The following RIMS1 variants were observed in gnomAD, a reference collection of about 807,000 sequenced individuals.
RIMS1 encodes regulating synaptic membrane exocytosis 1.
In RIMS1, 83 loss-of-function variants were observed where a neutral mutation model predicts 214.1. The observed-to-expected ratio is 0.39, with a 90% confidence interval of 0.32 to 0.47. RIMS1 has a LOEUF of 0.47. RIMS1 is among the 20% of genes least tolerant of loss of function. The pLI is 0.99. For missense variants in RIMS1, 2,050 were observed against 2,161.8 expected (o/e 0.95, Z 1.03); for synonymous variants, 793 against 786.8 (o/e 1.01, Z -0.13).
intron 28 of RIMS1, among the ~76,000 whole-genome samples, chr6:72,330,054 G>A (rs914819116): frequency 1.3e-5 from 2 of 151,804 alleles, no homozygotes; most frequent in African/African-American, 4.8e-5. Context: ...AGGCCAAAGG[G>A]CTGGGCATTG....
At chr6:72,230,238 A>C (rs968979954) in intron 6 of RIMS1, among the ~76,000 whole-genome samples, 1 of 151,768 alleles carries the variant, frequency 6.6e-6, no homozygotes, top group Non-Finnish European at 1.5e-5. Flanking sequence ...CTGTGAGCCA[A>C]TCTTAGAATT....
At chr6:72,098,038 G>A (rs2032360558) in intron 3 of RIMS1, among the ~76,000 whole-genome samples, 1 of 152,078 alleles carries the variant, frequency 6.6e-6, no homozygotes, top group Non-Finnish European at 1.5e-5. Flanking sequence ...TGTAGCTAAA[G>A]AATTCCCAGT....
chr6:72,391,043 AC>A (rs923048733), intron 30 of RIMS1, among the ~76,000 whole-genome samples: 4 of 152,198 alleles, frequency 2.6e-5, no homozygotes, highest in Admixed American at 1.3e-4. Context: ...CAGGTAATGG[AC>A]TCTTTCATAT....
chr6:72,274,892 CTG>C (rs1019163435), intron 23 of RIMS1, among the ~76,000 whole-genome samples: 34 of 151,700 alleles, frequency 2.2e-4, no homozygotes, highest in African/African-American at 8.2e-4. Flanking sequence ...TAAATAATGT[CTG>C]TCTTATTAAG....
At chr6:72,330,573 T>C (rs1419448472) in intron 28 of RIMS1, among the ~76,000 whole-genome samples, 3 of 151,730 alleles carry the variant, frequency 2.0e-5, no homozygotes, top group Non-Finnish European at 4.4e-5. Flanking sequence ...ATATAACCAG[T>C]ACAAAATGTA....
At chr6:72,333,281 G>GT (rs2096732581) in intron 28 of RIMS1, among the ~76,000 whole-genome samples, 1 of 151,792 alleles carries the variant, frequency 6.6e-6, no homozygotes, top group Non-Finnish European at 1.5e-5. Flanking sequence ...TGGTAACATA[G>GT]TAACTATACT....
chr6:72,041,362 A>G (rs1821386947), intron 2 of RIMS1, among the ~76,000 whole-genome samples: 1 of 151,900 alleles, frequency 6.6e-6, no homozygotes, highest in African/African-American at 2.4e-5. Flanking sequence ...AGGCTTTATA[A>G]GAAAGTTGTA....
chr6:72,351,750 T>C (rs1238806434), intron 29 of RIMS1, among the ~76,000 whole-genome samples: 1 of 152,192 alleles, frequency 6.6e-6, no homozygotes, highest in Non-Finnish European at 1.5e-5. Context: ...TGCCTGTAAA[T>C]ATCCAGAATC....
chr6:71,954,848 A>G (rs1258454285), intron 1 of RIMS1, among the ~76,000 whole-genome samples: 8 of 134,578 alleles, frequency 5.9e-5, no homozygotes, highest in African/African-American at 2.1e-4. Flanking sequence ...ACTCCTCAGC[A>G]CACACACACA....
At chr6:72,332,105 TTTTATAA>T (rs1209888864) in intron 28 of RIMS1, among the ~76,000 whole-genome samples, 1 of 151,842 alleles carries the variant, frequency 6.6e-6, no homozygotes. Context: ...ACACTTTCTG[TTTTATAA>T]TTTATAATCA....
At chr6:72,079,482 G>T (rs1832743596) in intron 2 of RIMS1, among the ~76,000 whole-genome samples, 1 of 152,142 alleles carries the variant, frequency 6.6e-6, no homozygotes, top group African/African-American at 2.4e-5. Context: ...CCAATTATGA[G>T]ACACAGTTTT....
intron 23 of RIMS1, among the ~76,000 whole-genome samples, chr6:72,276,812 C>G (rs1020114696): frequency 3.9e-5 from 6 of 152,164 alleles, no homozygotes; most frequent in Admixed American, 6.5e-5. Flanking sequence ...CTTGGCAAAT[C>G]GTAATGAACG....
Position 72,097,256 on chromosome 6 carries a change from CAT to C in RIMS1, c.459+95_459+96del. Reference sequence around the variant, plus strand: ...GAACACGTGCATCTTAGAAAGCAGACATGTGCATAAACATACACGTTAAAATG... The same window carrying C: ...GAACACGTGCATCTTAGAAAGCAGACGTGCATAAACATACACGTTAAAATG... On this transcript the variant is annotated intron_variant, in intron 3 of 33. Transcript: ENST00000521978. 4 of 1,088,848 alleles carry C rather than the reference CAT, an allele frequency of 3.7e-6. No individual in the cohort carries two copies. The South Asian group carries it at 5.3e-5, about 14-fold the overall frequency. 67.4% of individuals were successfully genotyped at this position (1,088,848 alleles called of 1,614,324 possible).
At chr6:72,036,687 G>T (rs1052868269) in intron 2 of RIMS1, among the ~76,000 whole-genome samples, 11 of 152,124 alleles carry the variant, frequency 7.2e-5, no homozygotes, top group Non-Finnish European at 2.9e-5. Context: ...TCCTCACTGT[G>T]CATGACATAT....
chr6:72,341,573 T>C (rs888459967), intron 29 of RIMS1, among the ~76,000 whole-genome samples: 1 of 151,820 alleles, frequency 6.6e-6, no homozygotes, highest in East Asian at 1.9e-4. Flanking sequence ...GGTAACTGTA[T>C]CTGCAGTACT....
At chr6:71,896,360 A>ATATTATGGTC (rs1381765743) in intron 1 of RIMS1, among the ~76,000 whole-genome samples, 1 of 152,178 alleles carries the variant, frequency 6.6e-6, no homozygotes, top group Non-Finnish European at 1.5e-5. Context: ...TCTGAAAAAG[A>ATATTATGGTC]TATTATGGTC....
At chr6:72,317,472 A>G (rs570257881) in intron 28 of RIMS1, 13 of 169,896 alleles carry the variant, frequency 7.7e-5, no homozygotes, top group African/African-American at 3.1e-4. Flanking sequence ...ACTGAAAGGA[A>G]TGTTCTTCTA....
intron 16 of RIMS1, among the ~76,000 whole-genome samples, chr6:72,255,009 G>T (rs1293657935): frequency 1.0e-5 from 1 of 98,148 alleles, no homozygotes; most frequent in East Asian, 1.1e-3. Context: ...AATATTTTAT[G>T]TTTCAAAGAT....
chr6:72,168,626 CA>C (rs1562481946), intron 4 of RIMS1, among the ~76,000 whole-genome samples: 1 of 151,608 alleles, frequency 6.6e-6, no homozygotes, highest in Non-Finnish European at 1.5e-5. Context: ...ATATACCAGT[CA>C]AACTCTGTCA....
Sources: allele counts gnomAD v4.1 joint callset (sites outside exome capture counted in the v4.1 genomes callset), GRCh38; gene constraint gnomAD v4.1.1; transcripts MANE v1.5; gene names NCBI Gene and HGNC (gene_info 2026-07-23, HGNC 2026-07-21).